ZNF277: variants seen among roughly 807,000 people sequenced by gnomAD.
ZNF277 encodes nuclear receptor-interacting factor 4.
Under a neutral mutation model 60.7 loss-of-function variants are expected in ZNF277, and 55 were observed. The observed-to-expected ratio is 0.91, with a 90% CI of 0.73 to 1.13. The LOEUF (loss-of-function observed/expected upper bound fraction) is 1.13. Among genes scored for constraint, ZNF277 ranks in the 50% most tolerant of loss-of-function variants. The pLI is 0.00. For missense variants in ZNF277, 510 were observed against 523.0 expected (o/e 0.98, Z 0.24); for synonymous variants, 178 against 179.3 (o/e 0.99, Z 0.06).
intron 1 of ZNF277, among the ~76,000 whole-genome samples, chr7:112,253,128 A>G (rs2117012318): frequency 6.6e-6 from 1 of 152,292 alleles, no homozygotes; most frequent in East Asian, 1.9e-4. Context: ...TGTAATGGAA[A>G]AGGCTTCAAA....
intron 1 of ZNF277, among the ~76,000 whole-genome samples, chr7:112,209,245 G>T (rs895555384): frequency 1.3e-5 from 2 of 152,006 alleles, no homozygotes; most frequent in Non-Finnish European, 2.9e-5. Context: ...CTTGCCCACT[G>T]GTTGTATATT....
chr7:112,296,273 G>A lies in ZNF277; in HGVS notation c.427G>A (p.Asp143Asn). 2 of 1,592,900 alleles carry A rather than the reference G, an allele frequency of 1.3e-6. No homozygotes were observed. The highest frequency in any genetic ancestry group is 1.7e-6 in the Non-Finnish European group (2 of 1,170,620). Residue 143 changes from aspartate (D) to asparagine (N), a missense_variant, in exon 4 of 12, where the codon GAT becomes AAT. Physicochemically the swap from Asp to Asn is conservative, Grantham distance 23. Coordinates refer to ENST00000361822, the MANE Select transcript of ZNF277 (RefSeq NM_021994.3). ...YFLLCDVLPE[D>N]RILREELQKQ... ...TTTGTTATGTGACGTTTTACCAGAA[G>A]ATAGAATTCTTAGAGAAGAGCTTCA...
At chr7:112,213,104 G>T (rs1304357331) in intron 1 of ZNF277, among the ~76,000 whole-genome samples, 1 of 152,168 alleles carries the variant, frequency 6.6e-6, no homozygotes, top group South Asian at 2.1e-4. Context: ...AATCATAGGG[G>T]CAGGTCTTTC....
intron 6 of ZNF277, among the ~76,000 whole-genome samples, chr7:112,329,698 C>T (rs1278533638): frequency 3.3e-5 from 5 of 152,082 alleles, no homozygotes; most frequent in Non-Finnish European, 5.9e-5. Flanking sequence ...ACAGGATATC[C>T]CAAACCATGT....
chr7:112,272,438 A>T (rs1791692857), intron 1 of ZNF277, among the ~76,000 whole-genome samples: 1 of 152,192 alleles, frequency 6.6e-6, no homozygotes, highest in Non-Finnish European at 1.5e-5. Flanking sequence ...TATACTTAGC[A>T]GTGGGATTGC....
At chr7:112,313,430 G>T (rs574480005) in intron 4 of ZNF277, among the ~76,000 whole-genome samples, 23 of 151,894 alleles carry the variant, frequency 1.5e-4, no homozygotes, top group Admixed American at 5.2e-4. Context: ...CTACAGGCAC[G>T]CACCACCATG....
chr7:112,258,222 A>C (rs1175058318), intron 1 of ZNF277, among the ~76,000 whole-genome samples: 3 of 152,092 alleles, frequency 2.0e-5, no homozygotes, highest in Admixed American at 6.6e-5. Context: ...CATGAATTTT[A>C]GCATCTAATT....
intron 1 of ZNF277, among the ~76,000 whole-genome samples, chr7:112,279,417 C>A (rs756011158): frequency 6.6e-6 from 1 of 152,092 alleles, no homozygotes; most frequent in South Asian, 2.1e-4. Context: ...GAGATGATAT[C>A]TCATTGTGGT....
At chr7:112,267,613 CTCTCTT>C (rs1242179968) in intron 1 of ZNF277, among the ~76,000 whole-genome samples, 1 of 152,104 alleles carries the variant, frequency 6.6e-6, no homozygotes, top group Non-Finnish European at 1.5e-5. Context: ...GCCTTTTTTT[CTCTCTT>C]TCTCTTGCCT....
intron 1 of ZNF277, among the ~76,000 whole-genome samples, chr7:112,270,677 T>C (rs1193847640): frequency 6.6e-6 from 1 of 152,124 alleles, no homozygotes; most frequent in Non-Finnish European, 1.5e-5. Context: ...CTACAAAATA[T>C]AATATCTATC....
At chr7:112,233,357 G>A (rs533530102) in intron 1 of ZNF277, among the ~76,000 whole-genome samples, 3 of 152,116 alleles carry the variant, frequency 2.0e-5, no homozygotes, top group Non-Finnish European at 4.4e-5. Flanking sequence ...TGTCCTTGCA[G>A]GGCCAGTGCT....
At chr7:112,241,469 A>G (rs1335316205) in intron 1 of ZNF277, among the ~76,000 whole-genome samples, 2 of 152,060 alleles carry the variant, frequency 1.3e-5, no homozygotes, top group Non-Finnish European at 2.9e-5. Context: ...AAAACTAAAA[A>G]TGTGCAATCC....
At chr7:112,243,678 A>G (rs62473127) in intron 1 of ZNF277, among the ~76,000 whole-genome samples, 3,291 of 152,196 alleles carry the variant, frequency 0.022, 52 homozygotes, top group Middle Eastern at 0.078. Flanking sequence ...AAAAAATTAC[A>G]GGTGTTGGTA....
intron 1 of ZNF277, among the ~76,000 whole-genome samples, chr7:112,211,393 A>G (rs1587076490): frequency 6.6e-6 from 1 of 152,182 alleles, no homozygotes; most frequent in Non-Finnish European, 1.5e-5. Flanking sequence ...TGCTAATTCC[A>G]TTACTAACCC....
chr7:112,329,839 A>T (rs1179630615), intron 6 of ZNF277, among the ~76,000 whole-genome samples: 1 of 152,224 alleles, frequency 6.6e-6, no homozygotes, highest in Non-Finnish European at 1.5e-5. Context: ...GATATTACCT[A>T]TCTTTGTCAC....
chr7:112,252,109 G>A (rs868100745), intron 1 of ZNF277, among the ~76,000 whole-genome samples: 3 of 152,144 alleles, frequency 2.0e-5, no homozygotes, highest in African/African-American at 7.2e-5. Context: ...TGCACAATAT[G>A]TGAACTGGTA....
At chr7:112,297,330 T>C (rs1431727084) in intron 4 of ZNF277, among the ~76,000 whole-genome samples, 1 of 152,206 alleles carries the variant, frequency 6.6e-6, no homozygotes, top group African/African-American at 2.4e-5. Context: ...ATCTCGACTA[T>C]TACTTGAAGT....
intron 1 of ZNF277, among the ~76,000 whole-genome samples, chr7:112,233,063 G>GTAAACT (rs1178522167): frequency 6.6e-6 from 1 of 151,928 alleles, no homozygotes; most frequent in Non-Finnish European, 1.5e-5. Context: ...CACCCAAAAG[G>GTAAACT]TAAACTTCTA....
intron 1 of ZNF277, among the ~76,000 whole-genome samples, chr7:112,269,553 T>C (rs1791623531): frequency 6.6e-6 from 1 of 152,112 alleles, no homozygotes; most frequent in African/African-American, 2.4e-5. Context: ...GTAGAAACAG[T>C]TAAGATAGCC....
Sources: gnomAD v4.1 joint callset for allele counts (sites outside exome capture counted in the v4.1 genomes callset) on GRCh38, gnomAD v4.1.1 for gene constraint, MANE v1.5 for transcripts, NCBI Gene and HGNC (gene_info 2026-07-23, HGNC 2026-07-21) for gene names.